The following DDX4 variants were observed in gnomAD, a reference collection of about 807,000 sequenced individuals.
The protein encoded by DDX4 is probable ATP-dependent RNA helicase DDX4.
In DDX4, 25 loss-of-function variants were observed where a neutral mutation model predicts 100.0. That is an observed-to-expected ratio of 0.25 (90% CI 0.18 to 0.35). The LOEUF (loss-of-function observed/expected upper bound fraction) is 0.35. DDX4 is among the 10% of genes least tolerant of loss of function. The pLI, the probability that DDX4 is intolerant of heterozygous loss-of-function variation, is 1.00. For synonymous variants in DDX4, 259 were observed against 275.7 expected, an observed-to-expected ratio of 0.94 and a Z score of 0.60; for missense variants, 635 against 882.4, an observed-to-expected ratio of 0.72 and a Z score of 3.55.
At chr5:55,797,110 C>T (rs996765134) in intron 17 of DDX4, among the ~76,000 whole-genome samples, 7 of 152,180 alleles carry the variant, frequency 4.6e-5, no homozygotes, top group African/African-American at 1.2e-4. Flanking sequence ...TTCCAAAGTG[C>T]TAGGATTGTA....
At chr5:55,760,342 A>G in intron 4 of DDX4, 65 bp downstream of exon 4, 1 of 1,462,356 alleles carries the variant, frequency 6.8e-7, no homozygotes, top group Non-Finnish European at 9.0e-7. Context: ...AGAGGCTTTC[A>G]TGGCCATTTG....
rs553135340 is a variant in DDX4, at chr5:55,790,711, C to T, written c.1302+6C>T. The T allele has an allele frequency of 1.6e-5, 26 of 1,610,374 alleles. 1 individual carries two copies. In the South Asian group the frequency reaches 2.9e-4, roughly 18 times the overall value. On this transcript the variant is annotated splice_donor_region_variant and intron_variant, in intron 16 of 21. Coordinates refer to ENST00000505374, the MANE Select transcript of DDX4 (RefSeq NM_024415.3). ...ATATCATAGGCAAAGAAAAGGTACG[C>T]CTTATAGGAATAATGAAGTTGTGAG... is the stretch of plus-strand genomic sequence containing the variant.
chr5:55,759,956 G>T lies in DDX4; in HGVS notation c.128-244G>T, dbSNP rs555024529. Among the ~76,000 whole-genome samples the T allele has an allele frequency of 2.6e-5, 4 of 151,898 alleles. No homozygotes were observed. The East Asian group carries it at 7.7e-4, about 29-fold the overall frequency. On this transcript the variant is annotated intron_variant, in intron 3 of 21. Transcript: ENST00000505374. ...AGGGACTTTTCCATTCAATTATGAGGTTAAAAATTGCTGTCTTTTGATTTC... is the reference window on the plus strand; with the variant it reads ...AGGGACTTTTCCATTCAATTATGAGTTTAAAAATTGCTGTCTTTTGATTTC...
intron 3 of DDX4, among the ~76,000 whole-genome samples, chr5:55,759,643 T>C (rs1422039362): frequency 6.6e-6 from 1 of 152,212 alleles, no homozygotes; most frequent in East Asian, 1.9e-4. Context: ...ATAATTTCTT[T>C]ATTCCACTTT....
At chr5:55,738,781 C>T (rs931666157) in intron 1 of DDX4, among the ~76,000 whole-genome samples, 169 bp from the exon 2 acceptor site, 3 of 152,106 alleles carry the variant, frequency 2.0e-5, no homozygotes, top group African/African-American at 7.2e-5. Context: ...AGATAAATGC[C>T]ACCTTTAGAT....
At chr5:55,794,963 C>CT (rs537421129) in intron 17 of DDX4, among the ~76,000 whole-genome samples, 9,908 of 140,830 alleles carry the variant, frequency 0.07, 530 homozygotes, top group African/African-American at 0.15. Context: ...AGCCCCAGAC[C>CT]TTTTTTTTTT....
chr5:55,765,395 T>TAA (rs57279452), intron 6 of DDX4, among the ~76,000 whole-genome samples: 170 of 87,592 alleles, frequency 1.9e-3, no homozygotes, highest in African/African-American at 2.4e-3. Context: ...TTAGTTCCCC[T>TAA]AAAAAAAAAA....
Position 55,798,561 on chromosome 5 carries a change from G to A in DDX4, c.1605G>A (p.Leu535=), listed in dbSNP as rs757898558. ...FSKREKLVEI[L]RNIGDERTMV... ...AAAGAGAAAAGCTCGTTGAAATTCT[G>A]CGAAACATAGGTATCTTACGTTGAT... Residue 535 remains leucine (L), a synonymous_variant, in exon 18 of 22, where the codon CTG becomes CTA. Coordinates refer to ENST00000505374, the MANE Select transcript of DDX4 (RefSeq NM_024415.3). The A allele has an allele frequency of 5.6e-6, 9 of 1,607,830 alleles. No homozygotes were observed. The highest frequency in any genetic ancestry group is 7.6e-6 in the Non-Finnish European group (9 of 1,177,296).
chr5:55,773,769 C>T (rs555313958), intron 7 of DDX4, among the ~76,000 whole-genome samples: 5 of 152,014 alleles, frequency 3.3e-5, no homozygotes, highest in Non-Finnish European at 7.4e-5. Context: ...GGACTACAGG[C>T]GTGTACTACC....
At position 55,739,049 on chromosome 5, in the gene DDX4, TTTAG is replaced by T; in HGVS notation, c.69+21_69+24del. On this transcript the variant is annotated intron_variant, in intron 2 of 21. Coordinates refer to ENST00000505374, the MANE Select transcript of DDX4 (RefSeq NM_024415.3). ...TTTGAGAAGGTAATAACATTTAAAG[TTTAG>T]TTATTAAATGCTACGGATTTTATCA... The T allele has an allele frequency of 6.9e-7, 1 of 1,442,316 alleles. No homozygotes were observed. The highest frequency in any genetic ancestry group is 9.7e-7 in the Non-Finnish European group (1 of 1,029,748). The allele number at this position is 1,442,316 out of a possible 1,614,324, so 89.3% of individuals were successfully genotyped here. A position where few individuals can be genotyped will look rare whatever the true frequency, so the allele number is the denominator to read the frequency against.
Position 55,798,549 on chromosome 5 carries a change from C to T in DDX4, c.1593C>T (p.Leu531=), listed in dbSNP as rs758573678. 1.4e-5 allele frequency: 23 copies of T among 1,602,910 alleles called. No homozygotes were observed. Among genetic ancestry groups the T allele is most frequent in the East Asian group, 2.3e-5 (1 of 44,374 alleles). Residue 531 remains leucine, a synonymous_variant, in exon 18 of 22, where the codon CTC becomes CTT. Coordinates refer to ENST00000505374, the MANE Select transcript of DDX4 (RefSeq NM_024415.3). ...QVGQFSKREK[L]VEILRNIGDE... ...GCCAGTTCTCAAAAAGAGAAAAGCT[C>T]GTTGAAATTCTGCGAAACATAGGTA...
intron 4 of DDX4, among the ~76,000 whole-genome samples, 200 bp from the exon 5 acceptor site, chr5:55,762,975 G>A (rs1400525461): frequency 6.6e-6 from 1 of 152,026 alleles, no homozygotes; most frequent in African/African-American, 2.4e-5. Flanking sequence ...ACCGGTAGTA[G>A]ATTTGTTTTT....
At chr5:55,789,480 C>T (rs1363982502) in intron 15 of DDX4, among the ~76,000 whole-genome samples, 1 of 152,198 alleles carries the variant, frequency 6.6e-6, no homozygotes, top group Admixed American at 6.5e-5. Flanking sequence ...GATTAAATGG[C>T]ACTGGCTTCC....
chr5:55,769,800 A>G (rs1741144601), intron 7 of DDX4, among the ~76,000 whole-genome samples: 1 of 152,178 alleles, frequency 6.6e-6, no homozygotes, highest in Non-Finnish European at 1.5e-5. Flanking sequence ...ACAGCGTGGT[A>G]CTGGTCCAAA....
At chr5:55,800,383 G>A (rs1009521231) in intron 18 of DDX4, among the ~76,000 whole-genome samples, 14 of 151,280 alleles carry the variant, frequency 9.3e-5, no homozygotes, top group Non-Finnish European at 1.5e-4. Context: ...GAGTACAGTG[G>A]CACAATCTCG....
intron 3 of DDX4, 103 bp downstream of exon 3, chr5:55,746,324 A>C: frequency 1.0e-6 from 1 of 994,346 alleles, no homozygotes; most frequent in Non-Finnish European, 1.4e-6. Context: ...GGTGTTTTAA[A>C]AAATTTCTTA....
intron 7 of DDX4, among the ~76,000 whole-genome samples, chr5:55,768,597 A>C (rs1272720235): frequency 3.9e-5 from 6 of 152,160 alleles, no homozygotes. Flanking sequence ...ATATGTGTAC[A>C]TGTGACTTTA....
chr5:55,788,388 A>G lies in DDX4; in HGVS notation c.1172+388A>G, dbSNP rs566791803. 4.6e-5 allele frequency among the ~76,000 whole-genome samples: 7 copies of G among 152,304 alleles called. No homozygotes were observed. The South Asian group carries it at 1.5e-3, about 32-fold the overall frequency. On this transcript the variant is annotated intron_variant, in intron 15 of 21. Transcript: ENST00000505374. Reference sequence around the variant, plus strand: ...GAGTTTAGGAGGTTGAGGCAGAAGGATTGTTTGAGTCCAGGAGTTTGAGGC... The same window carrying G: ...GAGTTTAGGAGGTTGAGGCAGAAGGGTTGTTTGAGTCCAGGAGTTTGAGGC...
At chr5:55,755,127 T>A (rs1289048655) in intron 3 of DDX4, among the ~76,000 whole-genome samples, 1 of 152,178 alleles carries the variant, frequency 6.6e-6, no homozygotes, top group Non-Finnish European at 1.5e-5. Context: ...CTTGTTGATG[T>A]GTGATGCAAA....
Sources: allele counts gnomAD v4.1 joint callset (sites outside exome capture counted in the v4.1 genomes callset), GRCh38; gene constraint gnomAD v4.1.1; transcripts MANE v1.5; gene names NCBI Gene and HGNC (gene_info 2026-07-23, HGNC 2026-07-21).